The following SLC44A5 variants were observed in gnomAD, a reference collection of about 807,000 sequenced individuals.
SLC44A5 encodes choline transporter-like protein 5.
In SLC44A5, 57 loss-of-function variants were observed where a neutral mutation model predicts 101.8. The observed-to-expected ratio is 0.56, with a 90% CI of 0.45 to 0.70. The LOEUF is 0.70. Among genes scored for constraint, SLC44A5 ranks in the 30% least tolerant of loss-of-function variants. The pLI is 0.00. For missense variants in SLC44A5, 737 were observed against 853.1 expected (o/e 0.86, Z 1.70); for synonymous variants, 281 against 290.9 (o/e 0.97, Z 0.35).
chr1:75,483,986 A>G (rs1454878899), intron 2 of SLC44A5, among the ~76,000 whole-genome samples: 3 of 152,082 alleles, frequency 2.0e-5, no homozygotes, highest in Non-Finnish European at 2.9e-5. Flanking sequence ...AGCAAGGGAG[A>G]AATCCACCCC....
At chr1:75,718,775 A>T in the SLC44A5 span, among the ~76,000 whole-genome samples, 2 of 152,206 alleles carry the variant, frequency 1.3e-5, no homozygotes, top group Non-Finnish European at 2.9e-5. Flanking sequence ...GTCATCAGGC[A>T]ACATCCTGTT....
At chr1:75,535,536 G>A (rs1233284396) in intron 2 of SLC44A5, among the ~76,000 whole-genome samples, 5 of 152,144 alleles carry the variant, frequency 3.3e-5, no homozygotes, top group Non-Finnish European at 5.9e-5. Context: ...AAAGATCACT[G>A]GTGTACCATG....
chr1:75,652,285 G>A, the SLC44A5 span, among the ~76,000 whole-genome samples: 3 of 152,204 alleles, frequency 2.0e-5, no homozygotes, highest in East Asian at 5.8e-4. Context: ...ATGTCAAACT[G>A]CACTTGAGTC....
chr1:75,645,190 A>G, the SLC44A5 span, among the ~76,000 whole-genome samples: 1 of 152,284 alleles, frequency 6.6e-6, no homozygotes, highest in South Asian at 2.1e-4. Context: ...TAGATCCCTG[A>G]GGAATCGCCA....
At chr1:75,698,438 G>T in the SLC44A5 span, among the ~76,000 whole-genome samples, 1 of 152,172 alleles carries the variant, frequency 6.6e-6, no homozygotes, top group Admixed American at 6.5e-5. Context: ...CTGCAACTGA[G>T]GGTCCTGTCT....
the SLC44A5 span, among the ~76,000 whole-genome samples, chr1:75,662,819 G>A: frequency 6.6e-6 from 1 of 151,836 alleles, no homozygotes; most frequent in Non-Finnish European, 1.5e-5. Flanking sequence ...CTTATTATAT[G>A]GCCCTTCAGT....
chr1:75,678,390 T>C, the SLC44A5 span, among the ~76,000 whole-genome samples: 1 of 152,066 alleles, frequency 6.6e-6, no homozygotes, highest in Non-Finnish European at 1.5e-5. Context: ...GAGCAGTGGT[T>C]CTCCCAGTAC....
At chr1:75,686,788 T>C in the SLC44A5 span, among the ~76,000 whole-genome samples, 3 of 152,212 alleles carry the variant, frequency 2.0e-5, no homozygotes, top group African/African-American at 7.2e-5. Flanking sequence ...GGGATTACTG[T>C]GGATAGCTAC....
At chr1:75,721,489 A>C in the SLC44A5 span, among the ~76,000 whole-genome samples, 1 of 152,244 alleles carries the variant, frequency 6.6e-6, no homozygotes, top group African/African-American at 2.4e-5. Flanking sequence ...TTTTTCTTCC[A>C]GTGTGGCCCA....
At position 75,218,678 on chromosome 1, in the gene SLC44A5, G is replaced by C; in HGVS notation, c.1341C>G (p.Ser447Arg). The change falls in exon 17 of 24, where the codon AGC becomes AGG. Residue 447 changes from serine to arginine, a missense_variant. Ser to Arg is a moderately radical substitution (Grantham distance 110). Coordinates refer to ENST00000370859, the MANE Select transcript of SLC44A5 (RefSeq NM_001130058.2). ...LCNFAFYGGKSLYHQYIPTFH... is the reference protein window; with the variant it reads ...LCNFAFYGGKRLYHQYIPTFH... ...AGGTAGGGATGTACTGATGGTACAAGCTCTTTCCACCATAGAAAGCAAAGT... is the reference window on the plus strand; with the variant it reads ...AGGTAGGGATGTACTGATGGTACAACCTCTTTCCACCATAGAAAGCAAAGT... 1 of 1,613,408 alleles carries C rather than the reference G, an allele frequency of 6.2e-7. No homozygotes were observed. The highest frequency in any genetic ancestry group is 1.1e-5 in the South Asian group (1 of 91,072).
chr1:75,405,785 C>T (rs1422957211), intron 2 of SLC44A5, among the ~76,000 whole-genome samples: 2 of 148,722 alleles, frequency 1.3e-5, no homozygotes, highest in East Asian at 2.0e-4. Context: ...CCTAACATCA[C>T]AATTAAACGA....
the SLC44A5 span, among the ~76,000 whole-genome samples, chr1:75,641,000 T>C: frequency 1.3e-5 from 2 of 152,048 alleles, no homozygotes; most frequent in Non-Finnish European, 2.9e-5. Context: ...TGACAAAATA[T>C]TATAAAATCT....
intron 4 of SLC44A5, among the ~76,000 whole-genome samples, chr1:75,321,312 G>A (rs887642192): frequency 6.6e-6 from 1 of 152,094 alleles, no homozygotes; most frequent in Admixed American, 6.6e-5. Context: ...AGACTGAATG[G>A]CTTAAACAAC....
At chr1:75,547,706 C>T (rs146232039) in intron 1 of SLC44A5, among the ~76,000 whole-genome samples, 277 of 152,250 alleles carry the variant, frequency 1.8e-3, no homozygotes, top group African/African-American at 6.2e-3. Flanking sequence ...AAACAAAACA[C>T]CCAGGTAAGC....
chr1:75,402,539 G>A (rs1231762983), intron 2 of SLC44A5: 1 of 219,444 alleles, frequency 4.6e-6, no homozygotes, highest in Non-Finnish European at 1.0e-5. Flanking sequence ...CACAGAGGAT[G>A]AGCTGAAGTA....
intron 6 of SLC44A5, among the ~76,000 whole-genome samples, chr1:75,258,108 C>G (rs1650168438): frequency 6.6e-6 from 1 of 152,138 alleles, no homozygotes; most frequent in Non-Finnish European, 1.5e-5. Context: ...CAGCACAAAA[C>G]TGGGTGGCCA....
At chr1:75,482,936 A>T (rs1286794097) in intron 2 of SLC44A5, among the ~76,000 whole-genome samples, 3 of 152,258 alleles carry the variant, frequency 2.0e-5, no homozygotes, top group Non-Finnish European at 4.4e-5. Context: ...GAAATAAAAT[A>T]AAGTCACATG....
At chr1:75,490,867 C>A (rs578248545) in intron 2 of SLC44A5, among the ~76,000 whole-genome samples, 2 of 151,902 alleles carry the variant, frequency 1.3e-5, no homozygotes, top group African/African-American at 4.8e-5. Flanking sequence ...ATTGATATTC[C>A]TAATTTAGTA....
intron 2 of SLC44A5, among the ~76,000 whole-genome samples, chr1:75,410,788 C>T (rs1249795): frequency 0.63 from 95,987 of 151,970 alleles, 31,952 homozygotes; most frequent in East Asian, 0.96. Flanking sequence ...GCTTATTACA[C>T]TTATTTACAT....
Sources: allele counts gnomAD v4.1 joint callset (sites outside exome capture counted in the v4.1 genomes callset), GRCh38; gene constraint gnomAD v4.1.1; transcripts MANE v1.5; gene names NCBI Gene and HGNC (gene_info 2026-07-23, HGNC 2026-07-21).